The following EML5 variants were observed in gnomAD, a reference collection of about 807,000 sequenced individuals.
EML5 encodes the protein EMAP like 5.
EML5 carries 120 observed loss-of-function variants against 250.0 expected under a neutral mutation model. The ratio of observed to expected loss-of-function variants is 0.48; its 90% CI spans 0.41 to 0.56. The LOEUF is 0.56. Among genes scored for constraint, EML5 ranks in the 20% least tolerant of loss-of-function variants. The pLI, the probability that EML5 is intolerant of heterozygous loss-of-function variation, is 0.00. For synonymous variants in EML5, 771 were observed against 806.5 expected (o/e 0.96, Z 0.75); for missense variants, 2,006 against 2,437.6 (o/e 0.82, Z 3.73).
chr14:88,709,897 T>C (rs986532635), intron 10 of EML5, among the ~76,000 whole-genome samples: 5 of 152,236 alleles, frequency 3.3e-5, no homozygotes, highest in African/African-American at 1.2e-4. Context: ...GTCCCCGTTA[T>C]AAATTTTTCT....
At chr14:88,780,194 C>A (rs558231154) in intron 1 of EML5, among the ~76,000 whole-genome samples, 2 of 152,196 alleles carry the variant, frequency 1.3e-5, no homozygotes, top group African/African-American at 4.8e-5. Context: ...TCTAAGTGAT[C>A]CACCTGCCTC....
intron 33 of EML5, among the ~76,000 whole-genome samples, chr14:88,633,249 C>G (rs2090537193): frequency 6.6e-6 from 1 of 152,112 alleles, no homozygotes. Flanking sequence ...TTCTTGCCAT[C>G]TCATCTCAAA....
At chr14:88,652,552 A>T (rs1595379288) in intron 27 of EML5, among the ~76,000 whole-genome samples, 1 of 152,112 alleles carries the variant, frequency 6.6e-6, no homozygotes, top group Admixed American at 6.6e-5. Flanking sequence ...AATGGCCACA[A>T]ATTCGCTTGA....
chr14:88,787,583 C>A (rs994517372), intron 1 of EML5, among the ~76,000 whole-genome samples: 7 of 152,140 alleles, frequency 4.6e-5, no homozygotes, highest in African/African-American at 1.7e-4. Context: ...ACAACTTCAA[C>A]TATTATTCTA....
At chr14:88,685,217 G>T in intron 19 of EML5, 75 bp from the exon 20 acceptor site, 5 of 1,265,184 alleles carry the variant, frequency 4.0e-6, no homozygotes, top group East Asian at 2.6e-5. Context: ...TGCCAATTAA[G>T]CTATTTTGAC....
intron 21 of EML5, among the ~76,000 whole-genome samples, chr14:88,674,605 CAG>C (rs1213376812): frequency 6.6e-6 from 1 of 152,182 alleles, no homozygotes; most frequent in Non-Finnish European, 1.5e-5. Flanking sequence ...GGTGGGGACA[CAG>C]TTAAACCACA....
rs1475064815 is a variant in EML5, at chr14:88,726,670, C to T, written c.1058G>A (p.Ser353Asn). The T allele has an allele frequency of 6.5e-7, 1 of 1,536,780 alleles. No homozygotes were observed. The highest frequency in any genetic ancestry group is 1.4e-5 in the African/African-American group (1 of 72,524). Reference protein sequence around the residue: ...GSDDRSVRIWSLVDHALIARC... With the variant: ...GSDDRSVRIWNLVDHALIARC... ...TGCTATTAATGCATGATCTACTAGGCTCCATATCCTGTAAAATTTAATTTA... is the reference window on the plus strand; with the variant it reads ...TGCTATTAATGCATGATCTACTAGGTTCCATATCCTGTAAAATTTAATTTA... Residue 353 changes from serine to asparagine, a missense_variant, in exon 8 of 44, where the codon AGC (serine) becomes AAC (asparagine). Physicochemically the swap from Ser to Asn is conservative, Grantham distance 46 (BLOSUM62 1). Around this residue, in one of 7 missense-constraint regions of EML5, gnomAD observed 1,375 missense variants for 1,590.3 expected, o/e 0.86. Transcript: ENST00000554922.
At chr14:88,721,421 G>A (rs1209837332) in intron 8 of EML5, among the ~76,000 whole-genome samples, 1 of 151,944 alleles carries the variant, frequency 6.6e-6, no homozygotes, top group Non-Finnish European at 1.5e-5. Flanking sequence ...AAACAGATGG[G>A]TAGACCAATG....
At chr14:88,781,363 T>C (rs1023270903) in intron 1 of EML5, among the ~76,000 whole-genome samples, 10 of 152,192 alleles carry the variant, frequency 6.6e-5, no homozygotes, top group Admixed American at 1.3e-4. Flanking sequence ...CCTGAGAATT[T>C]TGGTTCTCAA....
Position 88,622,593 on chromosome 14 carries a change from G to T in EML5, c.5013+11C>A. The T allele has an allele frequency of 6.3e-7, 1 of 1,586,016 alleles. No homozygotes were observed. Among genetic ancestry groups the T allele is most frequent in the East Asian group, 2.3e-5 (1 of 43,770 alleles). On this transcript the variant is annotated intron_variant, in intron 37 of 43. Transcript: ENST00000554922. ...TTCTGCTGCACTGTATCAGCTCATGGAACATCTTACTTTGCCTCTGCACAC... is the reference window on the plus strand; with the variant it reads ...TTCTGCTGCACTGTATCAGCTCATGTAACATCTTACTTTGCCTCTGCACAC...
At chr14:88,672,694 G>A (rs572076961) in intron 21 of EML5, among the ~76,000 whole-genome samples, 1 of 152,166 alleles carries the variant, frequency 6.6e-6, no homozygotes, top group South Asian at 2.1e-4. Context: ...AATAAAAAAT[G>A]ATAAAGGGGA....
intron 25 of EML5, 146 bp downstream of exon 25, chr14:88,661,508 G>T (rs2092099447): frequency 1.5e-6 from 1 of 688,960 alleles, no homozygotes; most frequent in Non-Finnish European, 2.3e-6. Flanking sequence ...AAAAGCTATA[G>T]ATATGAAACA....
chr14:88,739,103 CAA>C (rs2093888063), intron 5 of EML5, 89 bp from the exon 6 acceptor site: 4 of 1,265,894 alleles, frequency 3.2e-6, no homozygotes, highest in Admixed American at 3.0e-5. Context: ...ACCAATTTAA[CAA>C]TATTTTGGTA....
intron 7 of EML5, among the ~76,000 whole-genome samples, chr14:88,728,581 A>G (rs2093703210): frequency 6.6e-6 from 1 of 152,188 alleles, no homozygotes; most frequent in Non-Finnish European, 1.5e-5. Flanking sequence ...GATCATCATA[A>G]AAGTCTACAT....
At chr14:88,731,871 T>C (rs563606233) in intron 7 of EML5, among the ~76,000 whole-genome samples, 8 of 152,358 alleles carry the variant, frequency 5.3e-5, no homozygotes, top group African/African-American at 1.7e-4. Context: ...TGTCTTCTTT[T>C]GAGAAGTGTC....
chr14:88,615,831 T>C lies in EML5; in HGVS notation c.5921A>G (p.His1974Arg), dbSNP rs2087518159. 2.5e-6 allele frequency: 4 copies of C among 1,612,086 alleles called. No individual in the cohort carries two copies. Among genetic ancestry groups the C allele is most frequent in the Non-Finnish European group, 3.4e-6 (4 of 1,179,116 alleles). ...TCTCAGCATCTCTCAGTGAGGTGTA[T>C]GTACACATTTCCAGACAAATAAGCT... ...DCSLFVWKCV[H>R]TPH is the part of the protein sequence containing the mutation. The change falls in exon 44 of 44, where the codon CAT becomes CGT. Residue 1974 changes from histidine to arginine, a missense_variant. Physicochemically the swap from His to Arg is conservative, Grantham distance 29 (BLOSUM62 0). Transcript: ENST00000554922.
rs2140375777 is a variant in EML5, at chr14:88,625,079, T to C, written c.4789A>G (p.Lys1597Glu). 1.2e-6 allele frequency: 2 copies of C among 1,613,944 alleles called. No individual in the cohort carries two copies. The highest frequency in any genetic ancestry group is 1.1e-5 in the South Asian group (1 of 91,078). Residue 1597 changes from lysine (K) to glutamate (E), a missense_variant, in exon 36 of 44, where the codon AAA (lysine) becomes GAA (glutamate). Physicochemically the swap from Lys to Glu is moderately conservative, Grantham distance 56. Transcript: ENST00000554922. ...ACGATTCTACACAATATGTGATCTTTCCACACACAGACATCACCACTGATG... is the reference window on the plus strand; with the variant it reads ...ACGATTCTACACAATATGTGATCTTCCCACACACAGACATCACCACTGATG... The part of the protein sequence containing the change: ...GTISGDVCVW[K>E]DHILCRIVAR...
intron 1 of EML5, among the ~76,000 whole-genome samples, chr14:88,774,186 C>G (rs560093906): frequency 6.6e-6 from 1 of 152,282 alleles, no homozygotes; most frequent in Admixed American, 6.5e-5. Flanking sequence ...GGGCTCTACA[C>G]TTAGAGTTTC....
At position 88,792,418 on chromosome 14, in the gene EML5, T is replaced by C. The variant is rs570225981; in HGVS notation, c.86A>G (p.Tyr29Cys). 6 of 1,554,684 alleles carry C rather than the reference T, an allele frequency of 3.9e-6. No individual in the cohort carries two copies. The African/African-American group carries it at 6.8e-5, about 18-fold the overall frequency. Residue 29 changes from tyrosine to cysteine, a missense_variant, in exon 1 of 44, where the codon TAC becomes TGC. Tyr to Cys is a radical substitution (Grantham distance 194, BLOSUM62 -2). Transcript: ENST00000554922. This position sits in a 1 kb window ranked among gnomAD's most constrained non-coding sequence, Gnocchi z 6.9. ...YRGHQCRNNLYYTAAKEIVYF... is the reference protein window; with the variant it reads ...YRGHQCRNNLCYTAAKEIVYF... ...TACGATCTCCTTGGCCGCAGTGTAG[T>C]AGAGGTTGTTGCGGCACTGGTGGCC...
Sources: allele counts gnomAD v4.1 joint callset (sites outside exome capture counted in the v4.1 genomes callset), GRCh38; gene constraint gnomAD v4.1.1; regional missense constraint gnomAD v4.1.1; non-coding constraint Gnocchi (gnomAD v3.1); transcripts MANE v1.5; gene names NCBI Gene and HGNC (gene_info 2026-07-23, HGNC 2026-07-21).